Variants in KPNA7 observed in about 807,000 individuals in gnomAD.
KPNA7 encodes karyopherin subunit alpha 7.
KPNA7 carries 54 observed loss-of-function variants against 53.7 expected under a neutral mutation model. That is an observed-to-expected ratio of 1.01 (90% CI 0.81 to 1.26). KPNA7 has a LOEUF of 1.26. KPNA7 is among the 50% of genes most tolerant of loss of function. The pLI, the probability that KPNA7 is intolerant of heterozygous loss-of-function variation, is 0.00. For synonymous variants in KPNA7, 276 were observed against 259.3 expected (o/e 1.06, Z -0.62); for missense variants, 640 against 644.5 (o/e 0.99, Z 0.07).
intron 2 of KPNA7, among the ~76,000 whole-genome samples, chr7:99,204,138 G>T (rs769565909): frequency 6.6e-6 from 1 of 152,116 alleles, no homozygotes; most frequent in Non-Finnish European, 1.5e-5. Context: ...CCAGCACTTT[G>T]GGAGGTCAAG....
At chr7:99,170,241 C>A (rs557063186), downstream of KPNA7, among the ~76,000 whole-genome samples, 6 of 152,226 alleles carry the variant, frequency 3.9e-5, no homozygotes, top group East Asian at 1.2e-3. Flanking sequence ...AAACACCCCC[C>A]CAAGAATCAA....
intron 1 of KPNA7, among the ~76,000 whole-genome samples, chr7:99,213,462 G>T (rs1412805523): frequency 7.3e-6 from 1 of 136,266 alleles, no homozygotes; most frequent in African/African-American, 2.8e-5. Flanking sequence ...AAAAAAGAGA[G>T]AGAGACAGAG....
chr7:99,172,100 C>A (rs1004148377), downstream of KPNA7, among the ~76,000 whole-genome samples: 2 of 152,128 alleles, frequency 1.3e-5, no homozygotes, highest in Middle Eastern at 3.2e-3. Context: ...TAATTTACAT[C>A]ATTATGATAA....
chr7:99,167,400 A>C, the KPNA7 span, among the ~76,000 whole-genome samples: 1 of 152,166 alleles, frequency 6.6e-6, no homozygotes, highest in Non-Finnish European at 1.5e-5. Flanking sequence ...CAGTGGCAGC[A>C]TTAGATTCCC....
downstream of KPNA7, among the ~76,000 whole-genome samples, chr7:99,169,884 T>C (rs191490959): frequency 2.3e-3 from 349 of 152,056 alleles, 1 homozygote; most frequent in African/African-American, 8.2e-3. Flanking sequence ...CTACTAAAAA[T>C]ACAAAAATTA....
upstream of KPNA7, among the ~76,000 whole-genome samples, chr7:99,208,262 T>C (rs962644515): frequency 1.3e-5 from 2 of 151,238 alleles, no homozygotes; most frequent in Admixed American, 1.3e-4. Context: ...TTATTTTATT[T>C]ATTTATTTTT....
chr7:99,178,793 A>T (rs1199631446), intron 9 of KPNA7, among the ~76,000 whole-genome samples: 1 of 146,326 alleles, frequency 6.8e-6, no homozygotes, highest in African/African-American at 2.5e-5. Flanking sequence ...AAAAAAAAAA[A>T]AAAAAAAAAA....
chr7:99,151,561 C>T, the KPNA7 span, among the ~76,000 whole-genome samples: 1 of 151,512 alleles, frequency 6.6e-6, no homozygotes, highest in South Asian at 2.1e-4. Context: ...ACTGATCCTC[C>T]AGCCTCAGGC....
chr7:99,189,882 G>C (rs993734272), intron 6 of KPNA7, among the ~76,000 whole-genome samples: 1 of 152,040 alleles, frequency 6.6e-6, no homozygotes, highest in Admixed American at 6.6e-5. Flanking sequence ...ATAAGCGCCT[G>C]GCCTCCAGTT....
intron 9 of KPNA7, among the ~76,000 whole-genome samples, chr7:99,178,890 C>A (rs970214825): frequency 1.3e-5 from 2 of 150,490 alleles, no homozygotes; most frequent in African/African-American, 4.9e-5. Context: ...TCAAGAGATT[C>A]TCCTGCCTCA....
chr7:99,191,068 T>A (rs1002822270), intron 6 of KPNA7, among the ~76,000 whole-genome samples: 1 of 152,026 alleles, frequency 6.6e-6, no homozygotes, highest in African/African-American at 2.4e-5. Flanking sequence ...ACCTGAAACC[T>A]AGGGGCATCC....
At chr7:99,211,341 G>A (rs770271612), upstream of KPNA7, among the ~76,000 whole-genome samples, 7 of 152,196 alleles carry the variant, frequency 4.6e-5, no homozygotes, top group Non-Finnish European at 8.8e-5. Flanking sequence ...AGAATCGCTT[G>A]AATCTGGGAG....
the KPNA7 span, among the ~76,000 whole-genome samples, chr7:99,151,967 G>A: frequency 6.6e-6 from 1 of 151,998 alleles, no homozygotes; most frequent in East Asian, 1.9e-4. Context: ...GGCAGATCTA[G>A]AGGTCAGGAG....
At chr7:99,210,812 C>T (rs1182390100), upstream of KPNA7, among the ~76,000 whole-genome samples, 3 of 151,792 alleles carry the variant, frequency 2.0e-5, no homozygotes, top group African/African-American at 4.8e-5. Flanking sequence ...GTTTCAAACC[C>T]CTGGGCTAAA....
chr7:99,164,475 C>CCGGG, the KPNA7 span, among the ~76,000 whole-genome samples: 1 of 152,036 alleles, frequency 6.6e-6, no homozygotes, highest in Non-Finnish European at 1.5e-5. Context: ...ACATCACACT[C>CCGGG]CGGGGACTGT....
intron 1 of KPNA7, among the ~76,000 whole-genome samples, chr7:99,217,891 A>C (rs150405126): frequency 0.013 from 2,027 of 152,174 alleles, 40 homozygotes; most frequent in African/African-American, 0.046. Flanking sequence ...TCGGCCTCCC[A>C]AAGTGCTGGG....
intron 3 of KPNA7, among the ~76,000 whole-genome samples, chr7:99,201,662 C>CAA (rs111393769): frequency 2.4e-5 from 3 of 122,954 alleles, no homozygotes; most frequent in Admixed American, 8.3e-5. Context: ...GACTCTGTCT[C>CAA]AAAAAAAAAA....
At chr7:99,186,636 G>A (rs928409286) in intron 7 of KPNA7, among the ~76,000 whole-genome samples, 5 of 152,014 alleles carry the variant, frequency 3.3e-5, no homozygotes, top group Non-Finnish European at 7.4e-5. Context: ...CCAGCTACTT[G>A]GGAGGCTGAG....
chr7:99,207,377 A>C, intron 2 of KPNA7, 24 bp downstream of exon 2: 1 of 1,548,924 alleles, frequency 6.5e-7, no homozygotes. Context: ...CCCCAATAGA[A>C]GCAGGTGGGT....
Sources: gnomAD v4.1 joint callset for allele counts (sites outside exome capture counted in the v4.1 genomes callset) on GRCh38, gnomAD v4.1.1 for gene constraint, MANE v1.5 for transcripts, NCBI Gene and HGNC (gene_info 2026-07-23, HGNC 2026-07-21) for gene names.